GLI2: variants seen among roughly 807,000 people sequenced by gnomAD.
GLI2 encodes transcription activator GLI2.
A neutral mutation model predicts 78.9 loss-of-function variants in GLI2; 22 were observed. The observed-to-expected ratio is 0.28, with a 90% CI of 0.20 to 0.40. GLI2 has a LOEUF of 0.40. Ranked by LOEUF, GLI2 falls within the 10% of genes least tolerant of loss-of-function variation. The pLI, the probability that GLI2 is intolerant of heterozygous loss-of-function variation, is 1.00. For synonymous variants in GLI2, 974 were observed against 963.7 expected (o/e 1.01, Z -0.20); for missense variants, 2,097 against 2,213.2 (o/e 0.95, Z 1.05).
intron 5 of GLI2, among the ~76,000 whole-genome samples, chr2:120,966,321 A>G (rs957644497): frequency 6.6e-6 from 1 of 152,098 alleles, no homozygotes; most frequent in African/African-American, 2.4e-5. Context: ...AGGTAAAACA[A>G]TTTGCCCCAA....
At chr2:120,916,392 G>C (rs1456175192) in intron 2 of GLI2, among the ~76,000 whole-genome samples, 2 of 152,248 alleles carry the variant, frequency 1.3e-5, no homozygotes. Flanking sequence ...ACTGCCCTGA[G>C]CCTGAAGAGC....
In GLI2 at chr2:120,975,009, G is replaced by C; in HGVS notation, c.1217G>C (p.Arg406Thr). 6.2e-7 allele frequency: 1 copy of C among 1,614,176 alleles called. No individual in the cohort carries two copies. The highest frequency in any genetic ancestry group is 1.1e-5 in the South Asian group (1 of 91,088). Reference sequence around the variant, plus strand: ...GCTGACCTCAAGGAAGATCTGGACAGGGATGACTGTAAGCAGGAGGCTGAG... The same window carrying C: ...GCTGACCTCAAGGAAGATCTGGACACGGATGACTGTAAGCAGGAGGCTGAG... ...QLADLKEDLD[R>T]DDCKQEAEVV... Residue 406 changes from arginine (R) to threonine (T), a missense_variant, in exon 9 of 14, where the codon AGG (arginine) becomes ACG (threonine). Arg to Thr is a moderately conservative substitution (Grantham distance 71). Transcript: ENST00000361492.
chr2:120,838,138 G>T, intron 2 of GLI2, among the ~76,000 whole-genome samples: 1 of 151,964 alleles, frequency 6.6e-6, no homozygotes, highest in Non-Finnish European at 1.5e-5. Flanking sequence ...TATACTTATT[G>T]GTTATTTTAT....
intron 2 of GLI2, 93 bp from the exon 3 acceptor site, chr2:120,927,268 A>G (rs542308283): frequency 1.2e-3 from 1,138 of 919,402 alleles, no homozygotes; most frequent in Non-Finnish European, 1.7e-3. Flanking sequence ...TGCTCTTGCT[A>G]TGAAATTCAT....
chr2:120,756,093 C>T (rs1683026756), intron 1 of GLI2, among the ~76,000 whole-genome samples: 1 of 152,108 alleles, frequency 6.6e-6, no homozygotes, highest in South Asian at 2.1e-4. Flanking sequence ...ATCATCTTGG[C>T]AATCTCTCCA....
At chr2:120,983,512 T>G (rs10048791) in intron 11 of GLI2, among the ~76,000 whole-genome samples, 1 of 151,558 alleles carries the variant, frequency 6.6e-6, no homozygotes, top group Non-Finnish European at 1.5e-5. Context: ...CGTTTGTTGG[T>G]AGCCCCCTGG....
chr2:120,880,894 A>C (rs931045551), intron 2 of GLI2, among the ~76,000 whole-genome samples: 2 of 152,194 alleles, frequency 1.3e-5, no homozygotes, highest in Non-Finnish European at 2.9e-5. Flanking sequence ...CTACCTAGCT[A>C]CATGGATGGA....
At chr2:120,896,991 G>A (rs56046520) in intron 2 of GLI2, among the ~76,000 whole-genome samples, 49,117 of 152,170 alleles carry the variant, frequency 0.32, 8,233 homozygotes, top group South Asian at 0.48. Context: ...TGCTTGCCTA[G>A]GGGCAGGGGA....
At chr2:120,766,217 C>A (rs1007166161) in intron 1 of GLI2, among the ~76,000 whole-genome samples, 3 of 152,190 alleles carry the variant, frequency 2.0e-5, no homozygotes, top group Non-Finnish European at 4.4e-5. Context: ...CCAGCTGTGG[C>A]GCCTCAGTTT....
At chr2:120,886,075 G>T (rs1468850392) in intron 2 of GLI2, among the ~76,000 whole-genome samples, 3 of 151,064 alleles carry the variant, frequency 2.0e-5, no homozygotes, top group Admixed American at 1.3e-4. Context: ...AAGTAAATTT[G>T]TGTGTGTGTG....
At chr2:120,854,006 T>C (rs55747514) in intron 2 of GLI2, among the ~76,000 whole-genome samples, 36,297 of 151,672 alleles carry the variant, frequency 0.24, 5,063 homozygotes, top group East Asian at 0.65. Flanking sequence ...GTCTCCTCCT[T>C]CATTCTACCA....
intron 2 of GLI2, among the ~76,000 whole-genome samples, chr2:120,886,733 C>A (rs929103305): frequency 6.6e-6 from 1 of 152,196 alleles, no homozygotes; most frequent in Non-Finnish European, 1.5e-5. Flanking sequence ...AGTGGGACTG[C>A]GGTAGCCTGC....
Position 120,992,050 on chromosome 2 carries a change from A to ACACAC in GLI2, c.*1376_*1377insACACC, listed in dbSNP as rs1553480327. ...CACACACACACACACACACACACACACCCCAAACCTTTTCATGGGGAATGT... is the reference window on the plus strand; with the variant it reads ...CACACACACACACACACACACACACACACACCCCCAAACCTTTTCATGGGGAATGT... On this transcript the variant is annotated 3_prime_UTR_variant, in exon 14 of 14. Coordinates refer to ENST00000361492, the MANE Select transcript of GLI2 (RefSeq NM_001374353.1). The ACACAC allele has an allele frequency of 4.1e-5, 6 of 146,900 alleles. No individual in the cohort carries two copies. Among genetic ancestry groups the ACACAC allele is most frequent in the Admixed American group, 6.8e-5 (1 of 14,692 alleles). The allele number at this position is 146,900 out of a possible 1,614,324, so 9.1% of individuals were successfully genotyped here.
chr2:120,855,949 A>ACCAGCAGGC (rs1558836348), intron 2 of GLI2, among the ~76,000 whole-genome samples: 1 of 152,112 alleles, frequency 6.6e-6, no homozygotes, highest in Non-Finnish European at 1.5e-5. Flanking sequence ...TATTTAAAAC[A>ACCAGCAGGC]CCAGCAGGCA....
intron 1 of GLI2, among the ~76,000 whole-genome samples, chr2:120,768,826 T>C (rs939908753): frequency 6.6e-6 from 1 of 151,258 alleles, no homozygotes; most frequent in Admixed American, 6.6e-5. Flanking sequence ...TGTGTGTGTG[T>C]GTGCGTGTGT....
intron 1 of GLI2, among the ~76,000 whole-genome samples, chr2:120,770,113 CA>C (rs1375797901): frequency 1.3e-5 from 2 of 152,198 alleles, no homozygotes; most frequent in African/African-American, 4.8e-5. Flanking sequence ...ATCCAAATCA[CA>C]AAGAATATAG....
At chr2:120,974,809 T>C in intron 8 of GLI2, 166 bp from the exon 9 acceptor site, 1 of 863,764 alleles carries the variant, frequency 1.2e-6, no homozygotes, top group Admixed American at 1.8e-5. Flanking sequence ...TGTGTCTGCA[T>C]GCATGTGTTG....
At chr2:120,768,798 C>T (rs1683440811) in intron 1 of GLI2, among the ~76,000 whole-genome samples, 1 of 130,078 alleles carries the variant, frequency 7.7e-6, no homozygotes, top group South Asian at 2.5e-4. Flanking sequence ...AGGCCCCGCC[C>T]CTGTGTGTGT....
chr2:120,786,780 G>A (rs115121383), intron 1 of GLI2, among the ~76,000 whole-genome samples: 3 of 152,258 alleles, frequency 2.0e-5, no homozygotes, highest in Non-Finnish European at 4.4e-5. Flanking sequence ...GTCGATTACT[G>A]CACTTTTCCT....
Sources: allele counts gnomAD v4.1 joint callset (sites outside exome capture counted in the v4.1 genomes callset), GRCh38; gene constraint gnomAD v4.1.1; transcripts MANE v1.5; gene names NCBI Gene and HGNC (gene_info 2026-07-23, HGNC 2026-07-21).